Variants in DOK6 observed in about 807,000 individuals in gnomAD.
DOK6 encodes the protein docking protein 6.
DOK6 carries 22 observed loss-of-function variants against 44.0 expected under a neutral mutation model. The observed-to-expected ratio is 0.50, with a 90% CI of 0.36 to 0.71. DOK6 has a LOEUF of 0.71. Ranked by LOEUF, DOK6 falls within the 30% of genes least tolerant of loss-of-function variation. The probability of loss-of-function intolerance (pLI) is 0.00; values close to 1 mark genes in which losing one functional copy is unlikely to be tolerated. For missense variants in DOK6, 340 were observed against 416.4 expected (o/e 0.82, Z 1.60); for synonymous variants, 166 against 145.5 (o/e 1.14, Z -1.01).
At chr18:69,793,830 A>C (rs932501695) in intron 7 of DOK6, among the ~76,000 whole-genome samples, 5 of 152,078 alleles carry the variant, frequency 3.3e-5, no homozygotes. Context: ...TGGTATTTTC[A>C]TTGTTCCTTG....
chr18:69,468,975 C>G (rs1317658681), intron 1 of DOK6, among the ~76,000 whole-genome samples: 1 of 152,138 alleles, frequency 6.6e-6, no homozygotes, highest in Admixed American at 6.5e-5. Flanking sequence ...ATATTTGGGA[C>G]AAAGGAGGTG....
At chr18:69,648,120 T>A (rs1202069403) in intron 3 of DOK6, among the ~76,000 whole-genome samples, 1 of 152,342 alleles carries the variant, frequency 6.6e-6, no homozygotes, top group African/African-American at 2.4e-5. Flanking sequence ...ATTTTACTTT[T>A]TGTTTTTTAC....
chr18:69,710,735 G>A (rs1384299546), intron 5 of DOK6, among the ~76,000 whole-genome samples: 1 of 152,200 alleles, frequency 6.6e-6, no homozygotes, highest in Non-Finnish European at 1.5e-5. Context: ...TGTCTTAAAA[G>A]ATAATGTAGT....
intron 1 of DOK6, among the ~76,000 whole-genome samples, chr18:69,462,495 A>G (rs1979815171): frequency 6.6e-6 from 1 of 152,108 alleles, no homozygotes; most frequent in Non-Finnish European, 1.5e-5. Context: ...TGATTACATT[A>G]TTGCTTCTTT....
At chr18:69,698,798 AT>A (rs1432710785) in intron 5 of DOK6, among the ~76,000 whole-genome samples, 6 of 152,230 alleles carry the variant, frequency 3.9e-5, no homozygotes, top group Admixed American at 1.3e-4. Context: ...TAATTACCCC[AT>A]TCAAAATAAT....
intron 2 of DOK6, among the ~76,000 whole-genome samples, chr18:69,579,481 C>A (rs1002339598): frequency 1.3e-5 from 2 of 152,078 alleles, no homozygotes; most frequent in African/African-American, 4.8e-5. Context: ...ATTTGATATT[C>A]TCTCATGCTG....
intron 7 of DOK6, among the ~76,000 whole-genome samples, chr18:69,783,443 CT>C (rs2145091530): frequency 6.6e-6 from 1 of 152,308 alleles, no homozygotes; most frequent in African/African-American, 2.4e-5. Flanking sequence ...AATTCCACCT[CT>C]TCCTTTTTGG....
At chr18:69,772,063 C>T (rs1473588383) in intron 7 of DOK6, among the ~76,000 whole-genome samples, 3 of 150,662 alleles carry the variant, frequency 2.0e-5, no homozygotes, top group East Asian at 2.0e-4. Context: ...CCCAGATACT[C>T]GGGAGGCTGA....
intron 1 of DOK6, among the ~76,000 whole-genome samples, chr18:69,402,729 C>A (rs1599114183): frequency 6.6e-6 from 1 of 152,254 alleles, no homozygotes; most frequent in African/African-American, 2.4e-5. Context: ...GCAACGCCCC[C>A]CTTCCTCCAG....
At chr18:69,564,252 G>T (rs1348838245) in intron 1 of DOK6, among the ~76,000 whole-genome samples, 2 of 152,018 alleles carry the variant, frequency 1.3e-5, no homozygotes, top group Non-Finnish European at 2.9e-5. Context: ...TTATATTAAA[G>T]ACTACTAAAA....
At chr18:69,606,761 T>C (rs1434646380) in intron 3 of DOK6, among the ~76,000 whole-genome samples, 1 of 144,102 alleles carries the variant, frequency 6.9e-6, no homozygotes, top group Non-Finnish European at 1.5e-5. Flanking sequence ...AAAAGGATTT[T>C]TTTTTTTTTT....
chr18:69,819,900 A>C (rs1372044917), intron 7 of DOK6, among the ~76,000 whole-genome samples: 1 of 152,180 alleles, frequency 6.6e-6, no homozygotes, highest in Non-Finnish European at 1.5e-5. Flanking sequence ...TGGGTGACAC[A>C]TAAAATACAC....
At chr18:69,798,844 T>C (rs2145104031) in intron 7 of DOK6, among the ~76,000 whole-genome samples, 1 of 152,106 alleles carries the variant, frequency 6.6e-6, no homozygotes, top group Non-Finnish European at 1.5e-5. Flanking sequence ...TTCTTTAGCT[T>C]CAACTTATTC....
chr18:69,430,861 G>A (rs1978786642), intron 1 of DOK6, among the ~76,000 whole-genome samples: 1 of 152,156 alleles, frequency 6.6e-6, no homozygotes, highest in South Asian at 2.1e-4. Flanking sequence ...AGCTACTAGG[G>A]AGGCTGAGGC....
At chr18:69,468,646 A>G (rs1979997252) in intron 1 of DOK6, among the ~76,000 whole-genome samples, 1 of 152,240 alleles carries the variant, frequency 6.6e-6, no homozygotes, top group Non-Finnish European at 1.5e-5. Context: ...AGAAGTTGAA[A>G]GATCTTAAAA....
At chr18:69,500,719 G>A (rs542832829) in intron 1 of DOK6, among the ~76,000 whole-genome samples, 1 of 152,238 alleles carries the variant, frequency 6.6e-6, no homozygotes, top group East Asian at 1.9e-4. Flanking sequence ...CTAGATAGAT[G>A]TGTTCACCTT....
chr18:69,618,734 T>A (rs1383043232), intron 3 of DOK6: 2 of 152,190 alleles, frequency 1.3e-5, no homozygotes, highest in Non-Finnish European at 1.5e-5. Flanking sequence ...CGTGATTCAA[T>A]TATCTCCCAC....
At position 69,609,528 on chromosome 18, in the gene DOK6, T is replaced by G. The variant is rs554700013; in HGVS notation, c.289+10030T>G. ...AAATAAATAATAAAATGACAACAAG[T>G]GTCGGCAAAGATGTGGAGAAATTGG... On this transcript the variant is annotated intron_variant, in intron 3 of 7. Transcript: ENST00000382713. Among the ~76,000 whole-genome samples the G allele has an allele frequency of 4.3e-5, 5 of 115,816 alleles. No individual in the cohort carries two copies. The South Asian group carries it at 1.3e-3, about 31-fold the overall frequency. The allele number at this position is 115,816 out of a possible 152,430, so 76.0% of individuals were successfully genotyped here. A position where few individuals can be genotyped will look rare whatever the true frequency, so the allele number is the denominator to read the frequency against.
chr18:69,441,050 A>G (rs1433739171), intron 1 of DOK6, among the ~76,000 whole-genome samples: 4 of 152,102 alleles, frequency 2.6e-5, no homozygotes, highest in Non-Finnish European at 5.9e-5. Flanking sequence ...AAACTTTTCA[A>G]ATTAATTCTC....
Sources: allele counts gnomAD v4.1 joint callset (sites outside exome capture counted in the v4.1 genomes callset), GRCh38; gene constraint gnomAD v4.1.1; transcripts MANE v1.5; gene names NCBI Gene and HGNC (gene_info 2026-07-23, HGNC 2026-07-21).